UQCC3: variants seen among roughly 807,000 people sequenced by gnomAD.
UQCC3 encodes ubiquinol-cytochrome c reductase complex assembly factor 3, also known as ubiquinol-cytochrome-c reductase complex assembly factor 3.
UQCC3 carries 3 observed loss-of-function variants against 3.4 expected under a neutral mutation model. The ratio of observed to expected loss-of-function variants is 0.88; its 90% confidence interval spans 0.40 to 2.26. UQCC3 has a LOEUF of 2.26. Ranked by LOEUF, UQCC3 falls within the 30% of genes most tolerant of loss-of-function variation. The probability of loss-of-function intolerance (pLI) is 0.05; values close to 1 mark genes in which losing one functional copy is unlikely to be tolerated. For missense variants in UQCC3, 141 were observed against 123.0 expected, an observed-to-expected ratio of 1.15 and a Z score of -0.69; for synonymous variants, 57 against 57.1, an observed-to-expected ratio of 1.00 and a Z score of 0.00.
At position 62,671,991 on chromosome 11, in the gene UQCC3, G is replaced by C. The variant is rs528259269; in HGVS notation, c.159G>C (p.Ala53=). The C allele has an allele frequency of 6.2e-7, 1 of 1,613,936 alleles. No individual in the cohort carries two copies. Among genetic ancestry groups the C allele is most frequent in the South Asian group, 1.1e-5 (1 of 91,074 alleles). The change falls in exon 2 of 2, where the codon GCG becomes GCC. Residue 53 remains alanine (A), a synonymous_variant. Transcript: ENST00000377953. The stretch of plus-strand genomic sequence containing the variant: ...AGGACCCAAGGAGCAGGGAGGAGGC[G>C]GCCAGGACCCAGCAGCTATTGCTGG... ...PLQDPRSREE[A]ARTQQLLLAT...
Position 62,672,315 on chromosome 11 carries a change from G to T in UQCC3, c.*201G>T. 1.6e-6 allele frequency: 1 copy of T among 609,926 alleles called. No individual in the cohort carries two copies. The highest frequency in any genetic ancestry group is 2.9e-6 in the Non-Finnish European group (1 of 347,820). 37.8% of individuals were successfully genotyped at this position (609,926 alleles called of 1,614,324 possible). On this transcript the variant is annotated 3_prime_UTR_variant, in exon 2 of 2. Transcript: ENST00000377953. Reference sequence around the variant, plus strand: ...CTTTAAGGTCCGCAAGGCGGGCCAGGGCCGAGACGCGAGTCGGATGTGGTG... The same window carrying T: ...CTTTAAGGTCCGCAAGGCGGGCCAGTGCCGAGACGCGAGTCGGATGTGGTG...
At position 62,671,808 on chromosome 11, in the gene UQCC3, C is replaced by A; in HGVS notation, c.63C>A (p.Gly21=). The change falls in exon 1 of 2, where the codon GGC becomes GGA. Residue 21 remains glycine (G), a synonymous_variant. Coordinates refer to ENST00000377953, the MANE Select transcript of UQCC3 (RefSeq NM_001085372.3). Reference sequence around the variant, plus strand: ...TGCTGGGCGCAGGGGCTGGCGTGGGCTACGCGCTCCTCGTTATCGTGACCC... The same window carrying A: ...TGCTGGGCGCAGGGGCTGGCGTGGGATACGCGCTCCTCGTTATCGTGACCC... ...VAMLGAGAGV[G]YALLVIVTPG... is the part of the protein sequence containing the mutation. 1 of 1,614,138 alleles carries A rather than the reference C, an allele frequency of 6.2e-7. No homozygotes were observed.
chr11:62,672,065 A>G lies in UQCC3; in HGVS notation c.233A>G (p.Lys78Arg), dbSNP rs760613205. The G allele has an allele frequency of 1.5e-5, 24 of 1,608,306 alleles. No homozygotes were observed. In the East Asian group the frequency reaches 5.1e-4, roughly 34 times the overall value. Reference protein sequence around the residue: ...ATTQENVAWRKNWMVGGEGGA... With the variant: ...ATTQENVAWRRNWMVGGEGGA... ...ACGCAGGAGAACGTGGCCTGGAGGA[A>G]GAACTGGATGGTTGGCGGCGAAGGC... The change falls in exon 2 of 2, where the codon AAG becomes AGG. Residue 78 changes from lysine to arginine, a missense_variant. Lys to Arg is a conservative substitution (Grantham distance 26). Coordinates refer to ENST00000377953, the MANE Select transcript of UQCC3 (RefSeq NM_001085372.3).
rs2134661586 is a variant in UQCC3, at chr11:62,672,154, G to T, written c.*40G>T. The T allele has an allele frequency of 6.5e-7, 1 of 1,538,642 alleles. No individual in the cohort carries two copies. Among genetic ancestry groups the T allele is most frequent in the Admixed American group, 2.0e-5 (1 of 50,890 alleles). On this transcript the variant is annotated 3_prime_UTR_variant, in exon 2 of 2. Coordinates refer to ENST00000377953, the MANE Select transcript of UQCC3 (RefSeq NM_001085372.3). ...CCGTGGGCGCCGGACCTTGGCTTGGGCGCAGGAATCCGAGGCAGCCTTTCT... is the reference window on the plus strand; with the variant it reads ...CCGTGGGCGCCGGACCTTGGCTTGGTCGCAGGAATCCGAGGCAGCCTTTCT...
At position 62,672,022 on chromosome 11, in the gene UQCC3, C is replaced by T. The variant is rs373032436; in HGVS notation, c.190C>T (p.Leu64=). 3.1e-6 allele frequency: 5 copies of T among 1,613,420 alleles called. No homozygotes were observed. In the South Asian group the frequency reaches 5.5e-5, roughly 18 times the overall value. Residue 64 remains leucine, a synonymous_variant, in exon 2 of 2, where the codon CTG becomes TTG. Transcript: ENST00000377953. ...ARTQQLLLAT[L]QEAATTQENV... ...GACCCAGCAGCTATTGCTGGCCACT[C>T]TGCAGGAGGCAGCGACCACGCAGGA...
In UQCC3 at chr11:62,673,298, T is replaced by C. The variant is rs760420727; in HGVS notation, c.*1184T>C. 2.0e-5 allele frequency: 3 copies of C among 152,162 alleles called. No homozygotes were observed. Among genetic ancestry groups the C allele is most frequent in the Non-Finnish European group, 4.4e-5 (3 of 68,026 alleles). The allele number at this position is 152,162 out of a possible 1,614,324, so 9.4% of individuals were successfully genotyped here. A position where few individuals can be genotyped will look rare whatever the true frequency, so the allele number is the denominator to read the frequency against. On this transcript the variant is annotated 3_prime_UTR_variant, in exon 2 of 2. Transcript: ENST00000377953. Reference sequence around the variant, plus strand: ...TAGCACTTAACATATGCCACAATGCTTTCTGTGGCCATTATTTAACCTCTG... The same window carrying C: ...TAGCACTTAACATATGCCACAATGCCTTCTGTGGCCATTATTTAACCTCTG...
chr11:62,671,712 TC>T lies in UQCC3; in HGVS notation c.-31del. 6.2e-7 allele frequency: 1 copy of T among 1,608,450 alleles called. No homozygotes were observed. Among genetic ancestry groups the T allele is most frequent in the African/African-American group, 1.3e-5 (1 of 74,938 alleles). ...GCAACAGCTTGCGGCTGCGGGGAGC[TC>T]CCGTGGGCGCTCCGCTGGCTGTGCA... On this transcript the variant is annotated 5_prime_UTR_variant, in exon 1 of 2. Transcript: ENST00000377953.
intron 1 of UQCC3, 30 bp downstream of exon 1, chr11:62,671,895 G>GT: frequency 6.2e-7 from 1 of 1,613,564 alleles, no homozygotes; most frequent in Non-Finnish European, 8.5e-7. Flanking sequence ...CCGAGGAAGG[G>GT]TGGGCGGGTG....
rs1280279729 is a variant in UQCC3, at chr11:62,673,492, A to G, written c.*1378A>G. 3.9e-5 allele frequency: 6 copies of G among 152,070 alleles called. No individual in the cohort carries two copies. The highest frequency in any genetic ancestry group is 1.4e-4 in the African/African-American group (6 of 41,394). The allele number at this position is 152,070 out of a possible 1,614,324, so 9.4% of individuals were successfully genotyped here. A position where few individuals can be genotyped will look rare whatever the true frequency, so the allele number is the denominator to read the frequency against. On this transcript the variant is annotated 3_prime_UTR_variant, in exon 2 of 2. Coordinates refer to ENST00000377953, the MANE Select transcript of UQCC3 (RefSeq NM_001085372.3). ...ATTTAGAAATGTAAAGTGGTCCCCA[A>G]TCTCTGGATCTGGTCAGGATTTATT... is the stretch of plus-strand genomic sequence containing the variant.
Position 62,672,086 on chromosome 11 carries a change from A to G in UQCC3, c.254A>G (p.Glu85Gly), listed in dbSNP as rs752894650. 6.3e-6 allele frequency: 10 copies of G among 1,597,730 alleles called. No individual in the cohort carries two copies. The African/African-American group carries it at 1.3e-4, about 21-fold the overall frequency. The change falls in exon 2 of 2, where the codon GAA becomes GGA. Residue 85 changes from glutamate (E) to glycine (G), a missense_variant. By Grantham distance (98) the Glu-to-Gly change is moderately conservative. Transcript: ENST00000377953. ...AGGAAGAACTGGATGGTTGGCGGCG[A>G]AGGCGGCGCCGGCGGGAGGTCACCG... The part of the protein sequence containing the change: ...AWRKNWMVGG[E>G]GGAGGRSP
In UQCC3 at chr11:62,671,833, C is replaced by T; in HGVS notation, c.88C>T (p.Pro30Ser). 6.2e-7 allele frequency: 1 copy of T among 1,614,146 alleles called. No individual in the cohort carries two copies. The highest frequency in any genetic ancestry group is 1.3e-5 in the African/African-American group (1 of 75,048). ...VGYALLVIVTPGERRKQEMLK... is the reference protein window; with the variant it reads ...VGYALLVIVTSGERRKQEMLK... The stretch of plus-strand genomic sequence containing the variant: ...CTACGCGCTCCTCGTTATCGTGACC[C>T]CGGGAGAGCGGCGGAAGCAGGAAAT... The change falls in exon 1 of 2, where the codon CCG (proline) becomes TCG (serine). Residue 30 changes from proline to serine, a missense_variant. By Grantham distance (74) the Pro-to-Ser change is moderately conservative. Coordinates refer to ENST00000377953, the MANE Select transcript of UQCC3 (RefSeq NM_001085372.3).
At position 62,672,214 on chromosome 11, in the gene UQCC3, T is replaced by C; in HGVS notation, c.*100T>C. 7.9e-7 allele frequency: 1 copy of C among 1,262,210 alleles called. No homozygotes were observed. The highest frequency in any genetic ancestry group is 1.1e-6 in the Non-Finnish European group (1 of 915,128). 78.2% of individuals were successfully genotyped at this position (1,262,210 alleles called of 1,614,324 possible). A position where few individuals can be genotyped will look rare whatever the true frequency, so the allele number is the denominator to read the frequency against. ...GCCCAGCGGAGAGTCCGGACCGAGA[T>C]ACCATGCCAGGACTCTCCGGGGTCC... is the stretch of plus-strand genomic sequence containing the variant. On this transcript the variant is annotated 3_prime_UTR_variant, in exon 2 of 2. Coordinates refer to ENST00000377953, the MANE Select transcript of UQCC3 (RefSeq NM_001085372.3).
chr11:62,671,735 T>C lies in UQCC3; in HGVS notation c.-11T>C. ...GCTCCCGTGGGCGCTCCGCTGGCTGTGCAGGCGGCCATGGATTCCTTGCGG... is the reference window on the plus strand; with the variant it reads ...GCTCCCGTGGGCGCTCCGCTGGCTGCGCAGGCGGCCATGGATTCCTTGCGG... On this transcript the variant is annotated 5_prime_UTR_variant, in exon 1 of 2. Coordinates refer to ENST00000377953, the MANE Select transcript of UQCC3 (RefSeq NM_001085372.3). The C allele has an allele frequency of 6.2e-7, 1 of 1,612,896 alleles. No individual in the cohort carries two copies. Among genetic ancestry groups the C allele is most frequent in the Non-Finnish European group, 8.5e-7 (1 of 1,179,554 alleles).
In UQCC3 at chr11:62,672,043, C is replaced by G. The variant is rs748769481; in HGVS notation, c.211C>G (p.Gln71Glu). 1 of 1,611,764 alleles carries G rather than the reference C, an allele frequency of 6.2e-7. No individual in the cohort carries two copies. The highest frequency in any genetic ancestry group is 8.5e-7 in the Non-Finnish European group (1 of 1,179,210). The change falls in exon 2 of 2, where the codon CAG (glutamine) becomes GAG (glutamate). Residue 71 changes from glutamine to glutamate, a missense_variant. Coordinates refer to ENST00000377953, the MANE Select transcript of UQCC3 (RefSeq NM_001085372.3). ...CACTCTGCAGGAGGCAGCGACCACGCAGGAGAACGTGGCCTGGAGGAAGAA... is the reference window on the plus strand; with the variant it reads ...CACTCTGCAGGAGGCAGCGACCACGGAGGAGAACGTGGCCTGGAGGAAGAA... Reference protein sequence around the residue: ...LATLQEAATTQENVAWRKNWM... With the variant: ...LATLQEAATTEENVAWRKNWM...
At position 62,672,089 on chromosome 11, in the gene UQCC3, G is replaced by A. The variant is rs1267267898; in HGVS notation, c.257G>A (p.Gly86Asp). Residue 86 changes from glycine (G) to aspartate (D), a missense_variant, in exon 2 of 2, where the codon GGC becomes GAC. By Grantham distance (94) the Gly-to-Asp change is moderately conservative. Transcript: ENST00000377953. ...AAGAACTGGATGGTTGGCGGCGAAG[G>A]CGGCGCCGGCGGGAGGTCACCGTGA... ...WRKNWMVGGEGGAGGRSP is the reference protein window; with the variant it reads ...WRKNWMVGGEDGAGGRSP 56 of 1,593,400 alleles carry A rather than the reference G, an allele frequency of 3.5e-5. No individual in the cohort carries two copies. The highest frequency in any genetic ancestry group is 4.8e-5 in the Non-Finnish European group (56 of 1,170,428).
In UQCC3 at chr11:62,671,715, C is replaced by T. The variant is rs1226326666; in HGVS notation, c.-31C>T. The T allele has an allele frequency of 2.5e-6, 4 of 1,610,484 alleles. No homozygotes were observed. The highest frequency in any genetic ancestry group is 2.7e-5 in the African/African-American group (2 of 74,890). ...ACAGCTTGCGGCTGCGGGGAGCTCCCGTGGGCGCTCCGCTGGCTGTGCAGG... is the reference window on the plus strand; with the variant it reads ...ACAGCTTGCGGCTGCGGGGAGCTCCTGTGGGCGCTCCGCTGGCTGTGCAGG... On this transcript the variant is annotated 5_prime_UTR_variant, in exon 1 of 2. Coordinates refer to ENST00000377953, the MANE Select transcript of UQCC3 (RefSeq NM_001085372.3).
Position 62,672,480 on chromosome 11 carries a change from T to C in UQCC3, c.*366T>C. 1 of 254,644 alleles carries C rather than the reference T, an allele frequency of 3.9e-6. No homozygotes were observed. The highest frequency in any genetic ancestry group is 7.6e-6 in the Non-Finnish European group (1 of 132,032). The allele number at this position is 254,644 out of a possible 1,614,324, so 15.8% of individuals were successfully genotyped here. A position where few individuals can be genotyped will look rare whatever the true frequency, so the allele number is the denominator to read the frequency against. On this transcript the variant is annotated 3_prime_UTR_variant, in exon 2 of 2. Coordinates refer to ENST00000377953, the MANE Select transcript of UQCC3 (RefSeq NM_001085372.3). The stretch of plus-strand genomic sequence containing the variant: ...CCTGTCCCACCCCACCAGAAGAGGC[T>C]GATCCCGATAGGTATCTGACCACAT...
Position 62,671,705 on chromosome 11 carries a change from G to T in UQCC3, c.-41G>T, listed in dbSNP as rs776099710. On this transcript the variant is annotated 5_prime_UTR_variant, in exon 1 of 2. Coordinates refer to ENST00000377953, the MANE Select transcript of UQCC3 (RefSeq NM_001085372.3). Reference sequence around the variant, plus strand: ...CCGCGCGGCAACAGCTTGCGGCTGCGGGGAGCTCCCGTGGGCGCTCCGCTG... The same window carrying T: ...CCGCGCGGCAACAGCTTGCGGCTGCTGGGAGCTCCCGTGGGCGCTCCGCTG... The T allele has an allele frequency of 1.9e-6, 3 of 1,606,850 alleles. No individual in the cohort carries two copies. The South Asian group carries it at 3.3e-5, about 18-fold the overall frequency.
rs1356290353 is a variant in UQCC3, at chr11:62,672,115, G to A, written c.*1G>A. 23 of 1,569,894 alleles carry A rather than the reference G, an allele frequency of 1.5e-5. No homozygotes were observed. Among genetic ancestry groups the A allele is most frequent in the Non-Finnish European group, 2.0e-5 (23 of 1,158,906 alleles). On this transcript the variant is annotated 3_prime_UTR_variant, in exon 2 of 2. Transcript: ENST00000377953. Reference sequence around the variant, plus strand: ...CGGCGCCGGCGGGAGGTCACCGTGAGACCGGACTTGCCTCCGTGGGCGCCG... The same window carrying A: ...CGGCGCCGGCGGGAGGTCACCGTGAAACCGGACTTGCCTCCGTGGGCGCCG...
Sources: allele counts gnomAD v4.1 joint callset, GRCh38; gene constraint gnomAD v4.1.1; transcripts MANE v1.5; gene names NCBI Gene and HGNC (gene_info 2026-07-23, HGNC 2026-07-21).